Variants in NBPF15 observed in about 807,000 individuals in gnomAD.
NBPF15 encodes NBPF family member NBPF15.
A neutral mutation model predicts 62.2 loss-of-function variants in NBPF15; 74 were observed. The ratio of observed to expected loss-of-function variants is 1.19; its 90% CI spans 0.99 to 1.44. The LOEUF (loss-of-function observed/expected upper bound fraction) is 1.44. Ranked by LOEUF, NBPF15 falls within the 40% of genes most tolerant of loss-of-function variation. NBPF15 has a pLI of 0.00. For missense variants in NBPF15, 790 were observed against 550.0 expected, an observed-to-expected ratio of 1.44 and a Z score of -4.36; for synonymous variants, 244 against 209.7, an observed-to-expected ratio of 1.16 and a Z score of -1.41.
At chr1:144,438,949 C>A (rs1208923264) in intron 8 of NBPF15, among the ~76,000 whole-genome samples, 1 of 151,796 alleles carries the variant, frequency 6.6e-6, no homozygotes, top group African/African-American at 2.4e-5. Flanking sequence ...TCTCACCAAG[C>A]TACTCTCTGC....
intron 17 of NBPF15, among the ~76,000 whole-genome samples, chr1:144,426,733 G>T (rs587652803): frequency 6.6e-6 from 1 of 151,862 alleles, no homozygotes; most frequent in Admixed American, 6.6e-5. Flanking sequence ...CTCTGAGTTA[G>T]TGCGCTCGGG....
intron 13 of NBPF15, among the ~76,000 whole-genome samples, chr1:144,431,694 C>T (rs1674462021): frequency 8.3e-6 from 1 of 120,282 alleles, no homozygotes; most frequent in African/African-American, 3.3e-5. Flanking sequence ...TTTCTGTGTC[C>T]ATGTGTTCTC....
At chr1:144,459,522 T>C (rs75418849) in intron 2 of NBPF15, 39 bp from the exon 3 acceptor site, 1 of 151,216 alleles carries the variant, frequency 6.6e-6, no homozygotes, top group African/African-American at 2.5e-5. Context: ...AGAATCTCCA[T>C]TCATGAATAA....
chr1:144,439,994 A>T lies in NBPF15; in HGVS notation c.10T>A (p.Ser4Thr), dbSNP rs1288463541. The change falls in exon 8 of 22, where the codon TCA becomes ACA. Residue 4 changes from serine to threonine, a missense_variant. Physicochemically the swap from Ser to Thr is moderately conservative, Grantham distance 58 (BLOSUM62 1). Coordinates refer to ENST00000581897, the MANE Select transcript of NBPF15 (RefSeq NM_001385408.1). Reference protein sequence around the residue: MVVSAGPLSSEKAE... With the variant: MVVTAGPLSSEKAE... Reference sequence around the variant, plus strand: ...TTCTCGCTGGACAAAGGGCCGGCTGATACCACCATGCTGACGTTTGTGGCA... The same window carrying T: ...TTCTCGCTGGACAAAGGGCCGGCTGTTACCACCATGCTGACGTTTGTGGCA... 3 of 1,608,412 alleles carry T rather than the reference A, an allele frequency of 1.9e-6. No individual in the cohort carries two copies. In the African/African-American group the frequency reaches 4.0e-5, roughly 22 times the overall value.
chr1:144,459,121 G>A (rs1553547751), intron 3 of NBPF15, among the ~76,000 whole-genome samples: 1 of 151,922 alleles, frequency 6.6e-6, no homozygotes, highest in Non-Finnish European at 1.5e-5. Flanking sequence ...CCTAGGTTCG[G>A]CATTGATTTC....
chr1:144,422,957 T>C lies in NBPF15; in HGVS notation c.*56A>G, dbSNP rs78658748. 5 of 1,611,474 alleles carry C rather than the reference T, an allele frequency of 3.1e-6. No individual in the cohort carries two copies. In the African/African-American group the frequency reaches 6.7e-5, roughly 22 times the overall value. On this transcript the variant is annotated 3_prime_UTR_variant, in exon 22 of 22. Transcript: ENST00000581897. The stretch of plus-strand genomic sequence containing the variant: ...GAACTGTACTTTCATTCAAATCTTC[T>C]CGTGCCTATAGGTCCTGCCTGCAGG...
rs1397643415 is a variant in NBPF15, at chr1:144,432,151, T to A, written c.824+1622A>T. Among the ~76,000 whole-genome samples the A allele has an allele frequency of 7.2e-5, 11 of 152,104 alleles. No individual in the cohort carries two copies. The East Asian group carries it at 2.1e-3, about 29-fold the overall frequency. ...CTATTTCTCCACATCCTCTCCAGCA[T>A]CTTCAACCTTCTTAAAGAAAAGAAT... On this transcript the variant is annotated intron_variant, in intron 13 of 21. Coordinates refer to ENST00000581897, the MANE Select transcript of NBPF15 (RefSeq NM_001385408.1).
chr1:144,445,802 A>AT (rs1192586784), intron 6 of NBPF15, among the ~76,000 whole-genome samples: 5 of 144,880 alleles, frequency 3.5e-5, no homozygotes, highest in Admixed American at 6.8e-5. Context: ...TCTCAAAGCA[A>AT]TTTTTTGTAG....
intron 10 of NBPF15, among the ~76,000 whole-genome samples, chr1:144,436,468 GA>G (rs1678443614): frequency 6.6e-6 from 1 of 151,872 alleles, no homozygotes; most frequent in Admixed American, 6.6e-5. Flanking sequence ...ACCCTTGCAA[GA>G]GACAATTTGT....
chr1:144,445,201 C>T (rs1204585293), intron 6 of NBPF15, among the ~76,000 whole-genome samples: 257 of 148,042 alleles, frequency 1.7e-3, no homozygotes, highest in African/African-American at 6.1e-3. Context: ...GAAATTGTTT[C>T]AATGTGCTGT....
chr1:144,444,720 G>C (rs1553543552), intron 6 of NBPF15, among the ~76,000 whole-genome samples: 1 of 151,836 alleles, frequency 6.6e-6, no homozygotes, highest in Admixed American at 6.6e-5. Flanking sequence ...AGTTGGTCTG[G>C]TGATAATTTC....
Position 144,427,107 on chromosome 1 carries a change from A to G in NBPF15, c.1214-9T>C, listed in dbSNP as rs1553539421. The G allele has an allele frequency of 1.8e-6, 1 of 566,714 alleles. No individual in the cohort carries two copies. 35.1% of individuals were successfully genotyped at this position (566,714 alleles called of 1,614,324 possible). On this transcript the variant is annotated splice_polypyrimidine_tract_variant and intron_variant, in intron 16 of 21. Coordinates refer to ENST00000581897, the MANE Select transcript of NBPF15 (RefSeq NM_001385408.1). ...TTGGTACTTTTCAATTTCTGCAATA[A>G]GTTCAGACATGGACAGACATATTAA...
chr1:144,423,093 A>G lies in NBPF15; in HGVS notation c.1933T>C (p.Tyr645His), dbSNP rs781981713. 5 of 1,611,514 alleles carry G rather than the reference A, an allele frequency of 3.1e-6. No individual in the cohort carries two copies. The African/African-American group carries it at 4.0e-5, about 13-fold the overall frequency. The change falls in exon 22 of 22, where the codon TAC becomes CAC. Residue 645 changes from tyrosine (Y) to histidine (H), a missense_variant. Coordinates refer to ENST00000581897, the MANE Select transcript of NBPF15 (RefSeq NM_001385408.1). Reference protein sequence around the residue: ...FEEEHISFALYVDNRFFTLTV... With the variant: ...FEEEHISFALHVDNRFFTLTV... ...AAAGTAAAAAACCTATTGTCCACGT[A>G]AAGGGCGAAGCTGATATGCTCTTCC...
At chr1:144,448,146 G>A (rs1271196039) in intron 6 of NBPF15, among the ~76,000 whole-genome samples, 2 of 152,004 alleles carry the variant, frequency 1.3e-5, no homozygotes, top group Non-Finnish European at 2.9e-5. Context: ...CCAATGAATT[G>A]TGGGCACAGA....
intron 6 of NBPF15, among the ~76,000 whole-genome samples, chr1:144,447,573 C>T (rs1196798222): frequency 2.0e-5 from 3 of 151,580 alleles, no homozygotes; most frequent in Non-Finnish European, 4.4e-5. Flanking sequence ...TGGCATAAGA[C>T]AGGATGGAAA....
rs1278900221 is a variant in NBPF15, at chr1:144,439,989, G to A, written c.15C>T (p.Ala5=). 104 of 1,608,858 alleles carry A rather than the reference G, an allele frequency of 6.5e-5. 1 individual carries two copies. Among genetic ancestry groups the A allele is most frequent in the African/African-American group, 1.6e-4 (12 of 74,890 alleles). Residue 5 remains alanine (A), a synonymous_variant, in exon 8 of 22, where the codon GCC becomes GCT. Transcript: ENST00000581897. ...CTGCCTTCTCGCTGGACAAAGGGCC[G>A]GCTGATACCACCATGCTGACGTTTG... is the stretch of plus-strand genomic sequence containing the variant. MVVS[A]GPLSSEKAEM... is the part of the protein sequence containing the mutation.
intron 6 of NBPF15, among the ~76,000 whole-genome samples, chr1:144,445,632 G>A (rs1303298818): frequency 2.0e-5 from 3 of 150,610 alleles, no homozygotes; most frequent in Non-Finnish European, 4.4e-5. Context: ...ATAAATGGTA[G>A]AATCAGCTTG....
At chr1:144,460,141 C>G (rs1273303254) in intron 2 of NBPF15, among the ~76,000 whole-genome samples, 1 of 100,716 alleles carries the variant, frequency 9.9e-6, no homozygotes, top group African/African-American at 4.1e-5. Flanking sequence ...CTCCTGGGCT[C>G]TGGTGATCCT....
intron 6 of NBPF15, chr1:144,442,807 C>T: frequency 4.8e-6 from 1 of 210,414 alleles, no homozygotes; most frequent in Admixed American, 4.5e-5. Context: ...TACTGTGGTC[C>T]TGGACTCACT....
Sources: allele counts gnomAD v4.1 joint callset (sites outside exome capture counted in the v4.1 genomes callset), GRCh38; gene constraint gnomAD v4.1.1; transcripts MANE v1.5; gene names NCBI Gene and HGNC (gene_info 2026-07-23, HGNC 2026-07-21).